HS6ST1: variants seen among roughly 807,000 people sequenced by gnomAD.
HS6ST1 encodes the protein heparan sulfate 6-O-sulfotransferase 1.
A neutral mutation model predicts 25.2 loss-of-function variants in HS6ST1; 3 were observed. That is an observed-to-expected ratio of 0.12 (90% CI 0.05 to 0.31). The LOEUF (loss-of-function observed/expected upper bound fraction) is 0.31, where lower values mean the gene tolerates loss of function less well. Ranked by LOEUF, HS6ST1 falls within the 10% of genes least tolerant of loss-of-function variation. The pLI is 1.00. For missense variants in HS6ST1, 310 were observed against 609.6 expected, an observed-to-expected ratio of 0.51 and a Z score of 5.18; for synonymous variants, 204 against 275.1, an observed-to-expected ratio of 0.74 and a Z score of 2.56.
Position 128,285,766 on chromosome 2 carries a change from G to A in HS6ST1, c.528-16896C>T, listed in dbSNP as rs376715365. ...GCCAGTTACTGCTCCCAGCTGGCTC[G>A]GACAACCATCCCCATGGGCCAGGGC... On this transcript the variant is annotated intron_variant, in intron 1 of 1. Coordinates refer to ENST00000259241, the MANE Select transcript of HS6ST1 (RefSeq NM_004807.3). 5.9e-5 allele frequency among the ~76,000 whole-genome samples: 9 copies of A among 152,314 alleles called. No homozygotes were observed. In the East Asian group the frequency reaches 1.3e-3, roughly 23 times the overall value.
chr2:128,292,868 G>C (rs1042555796), intron 1 of HS6ST1, among the ~76,000 whole-genome samples: 1 of 152,110 alleles, frequency 6.6e-6, no homozygotes, highest in African/African-American at 2.4e-5. Context: ...CGACTCACAG[G>C]AGGGCACCTG....
At chr2:128,302,859 G>A (rs1249923135) in intron 1 of HS6ST1, among the ~76,000 whole-genome samples, 1 of 152,220 alleles carries the variant, frequency 6.6e-6, no homozygotes, top group African/African-American at 2.4e-5. Context: ...CAGCCGGCCA[G>A]TTCCCTGCTC....
intron 1 of HS6ST1, chr2:128,290,215 TA>T (rs1693931271): frequency 6.6e-6 from 1 of 152,102 alleles, no homozygotes; most frequent in Non-Finnish European, 1.5e-5. Flanking sequence ...TTTTTCAAGA[TA>T]AAAAGTTAGG....
chr2:128,297,759 G>C (rs537149738), intron 1 of HS6ST1, among the ~76,000 whole-genome samples: 1 of 152,302 alleles, frequency 6.6e-6, no homozygotes, highest in East Asian at 1.9e-4. Context: ...GCTTGAACCT[G>C]GGAAGCAGAG....
chr2:128,284,210 G>C (rs915200297), intron 1 of HS6ST1, among the ~76,000 whole-genome samples: 3 of 152,132 alleles, frequency 2.0e-5, no homozygotes, highest in East Asian at 1.9e-4. Flanking sequence ...AGACAGGGCA[G>C]GGGCACCCAG....
intron 1 of HS6ST1, among the ~76,000 whole-genome samples, chr2:128,307,072 T>C (rs1428355143): frequency 2.6e-5 from 4 of 152,076 alleles, no homozygotes; most frequent in East Asian, 1.9e-4. Context: ...GGTTCCAGGC[T>C]CTGGTTTTAG....
At chr2:128,310,404 C>T (rs1694272381) in intron 1 of HS6ST1, among the ~76,000 whole-genome samples, 1 of 152,194 alleles carries the variant, frequency 6.6e-6, no homozygotes, top group Non-Finnish European at 1.5e-5. Flanking sequence ...CCCCAAAGGT[C>T]CTGAGCCCTA....
At chr2:128,303,499 A>C (rs913761466) in intron 1 of HS6ST1, among the ~76,000 whole-genome samples, 3 of 152,246 alleles carry the variant, frequency 2.0e-5, no homozygotes, top group Admixed American at 2.0e-4. Flanking sequence ...TCTAGCACCC[A>C]ATCATGCAAA....
At chr2:128,292,680 G>C (rs1485430535) in intron 1 of HS6ST1, among the ~76,000 whole-genome samples, 1 of 152,042 alleles carries the variant, frequency 6.6e-6, no homozygotes, top group African/African-American at 2.4e-5. Flanking sequence ...CCTGTGCAGT[G>C]GCTCCAGATT....
intron 1 of HS6ST1, among the ~76,000 whole-genome samples, chr2:128,306,945 AT>A (rs1293180951): frequency 2.0e-5 from 3 of 151,662 alleles, no homozygotes; most frequent in Admixed American, 6.6e-5. Context: ...GGGCGTGGAC[AT>A]TCAGCTCTTT....
At chr2:128,296,168 C>T (rs1172617907) in intron 1 of HS6ST1, among the ~76,000 whole-genome samples, 2 of 152,214 alleles carry the variant, frequency 1.3e-5, no homozygotes. Flanking sequence ...GAGAAATAAA[C>T]ACTTGCTGCT....
Position 128,267,969 on chromosome 2 carries a change from C to T in HS6ST1, c.*193G>A, listed in dbSNP as rs1159040784. 31 of 616,762 alleles carry T rather than the reference C, an allele frequency of 5.0e-5. No individual in the cohort carries two copies. Among genetic ancestry groups the T allele is most frequent in the Admixed American group, 2.2e-4 (8 of 36,050 alleles). The allele number at this position is 616,762 out of a possible 1,614,324, so 38.2% of individuals were successfully genotyped here. On this transcript the variant is annotated 3_prime_UTR_variant, in exon 2 of 2. Transcript: ENST00000259241. ...CGCTTTCCTCTGACCCACTGGGCTG[C>T]ACCTGTTGATTTCTCAAGCCCCCAT...
At chr2:128,295,726 C>A (rs1267192562) in intron 1 of HS6ST1, among the ~76,000 whole-genome samples, 1 of 152,084 alleles carries the variant, frequency 6.6e-6, no homozygotes, top group Non-Finnish European at 1.5e-5. Context: ...ATATGAAAAT[C>A]AATGTAGTAT....
In HS6ST1 at chr2:128,278,300, C is replaced by G. The variant is rs1337314160; in HGVS notation, c.528-9430G>C. Among the ~76,000 whole-genome samples, 3 of 152,226 alleles carry G rather than the reference C, an allele frequency of 2.0e-5. No homozygotes were observed. The East Asian group carries it at 5.8e-4, about 29-fold the overall frequency. On this transcript the variant is annotated intron_variant, in intron 1 of 1. Transcript: ENST00000259241. Reference sequence around the variant, plus strand: ...AGTGCTGATCTGACCCAAACTCATGCCTGCATCTTCTTATTGCTGACTCTG... The same window carrying G: ...AGTGCTGATCTGACCCAAACTCATGGCTGCATCTTCTTATTGCTGACTCTG...
chr2:128,275,081 G>C (rs1693673540), intron 1 of HS6ST1, among the ~76,000 whole-genome samples: 1 of 151,762 alleles, frequency 6.6e-6, no homozygotes, highest in Admixed American at 6.6e-5. Context: ...GCAGATTCTG[G>C]AATCATTTGG....
rs555293750 is a variant in HS6ST1 at position 128,299,723 on chromosome 2, C to A, written c.527+18314G>T. On this transcript the variant is annotated intron_variant, in intron 1 of 1. Coordinates refer to ENST00000259241, the MANE Select transcript of HS6ST1 (RefSeq NM_004807.3). ...TGGGCCAGGCCTGCCTGGAAAGACC[C>A]CAGCTGGCGGAGAGACAGAGGCACA... 2.0e-5 allele frequency among the ~76,000 whole-genome samples: 3 copies of A among 152,322 alleles called. No homozygotes were observed. In the South Asian group the frequency reaches 6.2e-4, roughly 32 times the overall value.
Position 128,266,290 on chromosome 2 carries a change from T to C in HS6ST1, c.*1872A>G, listed in dbSNP as rs1163808287. On this transcript the variant is annotated 3_prime_UTR_variant, in exon 2 of 2. Transcript: ENST00000259241. ...GGAGTGCACCCACCCCCATGTTGAG[T>C]GTCCGAGCAGATTCCCATTGACCCT... The C allele has an allele frequency of 2.6e-5, 4 of 152,238 alleles. No homozygotes were observed. The highest frequency in any genetic ancestry group is 5.9e-5 in the Non-Finnish European group (4 of 68,108). 9.4% of individuals were successfully genotyped at this position (152,238 alleles called of 1,614,324 possible).
At chr2:128,290,859 A>G (rs2084498) in intron 1 of HS6ST1, among the ~76,000 whole-genome samples, 99,366 of 146,912 alleles carry the variant, frequency 0.68, 34,932 homozygotes, top group African/African-American at 0.86. Flanking sequence ...AGCATGCATG[A>G]TGGCACGCAC....
intron 1 of HS6ST1, among the ~76,000 whole-genome samples, chr2:128,315,898 G>A (rs992202011): frequency 1.3e-5 from 2 of 152,234 alleles, no homozygotes; most frequent in Admixed American, 1.3e-4. Context: ...GGACTCGGAG[G>A]GTGGGGTGCT....
Sources: gnomAD v4.1 joint callset for allele counts (sites outside exome capture counted in the v4.1 genomes callset) on GRCh38, gnomAD v4.1.1 for gene constraint, MANE v1.5 for transcripts, NCBI Gene and HGNC (gene_info 2026-07-23, HGNC 2026-07-21) for gene names.